PDCD2: variants seen among roughly 807,000 people sequenced by gnomAD.
PDCD2 encodes the protein programmed cell death 2, also known as uS5 assembly chaperone PDCD2.
Under a neutral mutation model 38.1 loss-of-function variants are expected in PDCD2, and 38 were observed. The ratio of observed to expected loss-of-function variants is 1.00; its 90% CI spans 0.77 to 1.31. The LOEUF (loss-of-function observed/expected upper bound fraction) is 1.31, where lower values mean the gene tolerates loss of function less well. Among genes scored for constraint, PDCD2 ranks in the 50% most tolerant of loss-of-function variants. PDCD2 has a pLI of 0.00. For synonymous variants in PDCD2, 205 were observed against 168.9 expected (o/e 1.21, Z -1.66); for missense variants, 473 against 435.7 (o/e 1.09, Z -0.76).
rs1236906987 is a variant in PDCD2 at position 170,583,755 on chromosome 6, A to G, written c.284-8T>C. The stretch of plus-strand genomic sequence containing the variant: ...GTAGTTGATTCCTAAAAACTAAAAA[A>G]GAATACAGAGAAAAGTTTTATCTTC... On this transcript the variant is annotated splice_polypyrimidine_tract_variant and splice_region_variant and intron_variant, in intron 1 of 5. Transcript: ENST00000541970. The G allele has an allele frequency of 6.3e-7, 1 of 1,597,446 alleles. No individual in the cohort carries two copies. Among genetic ancestry groups the G allele is most frequent in the Non-Finnish European group, 8.6e-7 (1 of 1,167,862 alleles).
intron 1 of PDCD2, 129 bp from the exon 2 acceptor site, chr6:170,583,876 G>T: frequency 2.5e-6 from 2 of 793,982 alleles, no homozygotes; most frequent in Non-Finnish European, 3.9e-6. Context: ...TCAGGAATAA[G>T]CTTTTAAAAT....
rs551166873 is a variant in PDCD2 at position 170,584,156 on chromosome 6, G to A, written c.283+143C>T. 326 of 904,304 alleles carry A rather than the reference G, an allele frequency of 3.6e-4. 1 individual carries two copies. In the African/African-American group the frequency reaches 5.2e-3, roughly 14 times the overall value. The allele number at this position is 904,304 out of a possible 1,614,324, so 56.0% of individuals were successfully genotyped here. A position where few individuals can be genotyped will look rare whatever the true frequency, so the allele number is the denominator to read the frequency against. On this transcript the variant is annotated intron_variant, in intron 1 of 5. Coordinates refer to ENST00000541970, the MANE Select transcript of PDCD2 (RefSeq NM_002598.4). The stretch of plus-strand genomic sequence containing the variant: ...CACATCCTGGAAGGGCCCGGGAGAA[G>A]GTGCTCCTGGGGCAGCGCGGAGAGG...
intron 3 of PDCD2, chr6:170,581,152 A>G (rs1049539505): frequency 1.3e-5 from 2 of 152,210 alleles, no homozygotes; most frequent in East Asian, 1.9e-4. Context: ...TGGAAATACT[A>G]TAATGAACCG....
chr6:170,584,408 G>A lies in PDCD2; in HGVS notation c.174C>T (p.Leu58=). The A allele has an allele frequency of 7.0e-7, 1 of 1,424,638 alleles. No individual in the cohort carries two copies. The highest frequency in any genetic ancestry group is 9.1e-7 in the Non-Finnish European group (1 of 1,093,670). The allele number at this position is 1,424,638 out of a possible 1,614,324, so 88.2% of individuals were successfully genotyped here. ...ALACELCGRP[L]SFLLQVYAPL... ...GCGCATACACCTGCAGCAGGAAGGA[G>A]AGCGGGCGGCCGCACAGCTCGCAGG... Residue 58 remains leucine, a synonymous_variant, in exon 1 of 6, where the codon CTC becomes CTT. Transcript: ENST00000541970.
At chr6:170,584,062 C>T (rs192060900) in intron 1 of PDCD2, 2 of 498,012 alleles carry the variant, frequency 4.0e-6, no homozygotes, top group East Asian at 6.8e-5. Context: ...TACCTGGTAC[C>T]CACTGATTAA....
Position 170,584,319 on chromosome 6 carries a change from G to C in PDCD2, c.263C>G (p.Pro88Arg), listed in dbSNP as rs117413937. The C allele has an allele frequency of 6.7e-7, 1 of 1,495,046 alleles. No individual in the cohort carries two copies. Among genetic ancestry groups the C allele is most frequent in the Admixed American group, 2.2e-5 (1 of 45,356 alleles). The allele number at this position is 1,495,046 out of a possible 1,614,324, so 92.6% of individuals were successfully genotyped here. ...CIFLFCCREQ[P>R]CCAGLRVFRN... ...CTCACCTCGCAGGCCGGCACAGCAC[G>C]GCTGCTCGCGGCAGCAGAAGAGGAA... The change falls in exon 1 of 6, where the codon CCG becomes CGG. Residue 88 changes from proline to arginine, a missense_variant. Pro to Arg is a moderately radical substitution (Grantham distance 103). Transcript: ENST00000541970.
chr6:170,577,977 T>C (rs1036659004), intron 5 of PDCD2, among the ~76,000 whole-genome samples: 6 of 152,268 alleles, frequency 3.9e-5, no homozygotes, highest in Admixed American at 1.3e-4. Flanking sequence ...ATTACTAATA[T>C]GCCACTCAAA....
At chr6:170,577,744 A>G (rs1779483553) in intron 5 of PDCD2, 27 bp from the exon 6 acceptor site, 1 of 1,609,932 alleles carries the variant, frequency 6.2e-7, no homozygotes, top group Non-Finnish European at 8.5e-7. Flanking sequence ...ACACAGTTAG[A>G]AAGCTGCTTC....
chr6:170,579,136 T>C, intron 4 of PDCD2, 166 bp from the exon 5 acceptor site: 3 of 570,292 alleles, frequency 5.3e-6, no homozygotes, highest in Middle Eastern at 4.3e-4. Context: ...GTGCCACTAA[T>C]GCCTTCTCAA....
Position 170,584,514 on chromosome 6 carries a change from C to A in PDCD2, c.68G>T (p.Arg23Leu). ...CACCTTGCTGGGGAACTGCTCGCTGCGCAGTCGCCACGCCGGCGCCGACTC... is the reference window on the plus strand; with the variant it reads ...CACCTTGCTGGGGAACTGCTCGCTGAGCAGTCGCCACGCCGGCGCCGACTC... ...FAESAPAWRL[R>L]SEQFPSKVGG... The change falls in exon 1 of 6, where the codon CGC becomes CTC. Residue 23 changes from arginine to leucine, a missense_variant. Arg to Leu is a moderately radical substitution (Grantham distance 102, BLOSUM62 -2). Transcript: ENST00000541970. 2.9e-6 allele frequency: 4 copies of A among 1,366,702 alleles called. No homozygotes were observed. Among genetic ancestry groups the A allele is most frequent in the Non-Finnish European group, 3.8e-6 (4 of 1,061,954 alleles). The allele number at this position is 1,366,702 out of a possible 1,614,324, so 84.7% of individuals were successfully genotyped here. A position where few individuals can be genotyped will look rare whatever the true frequency, so the allele number is the denominator to read the frequency against.
At chr6:170,583,248 T>G (rs1583144019) in intron 2 of PDCD2, 60 bp from the exon 3 acceptor site, 1 of 1,241,680 alleles carries the variant, frequency 8.1e-7, no homozygotes, top group Non-Finnish European at 1.1e-6. Flanking sequence ...GTCTAATAAT[T>G]TGCTGTCTCT....
intron 3 of PDCD2, chr6:170,582,385 T>C: frequency 6.6e-7 from 1 of 1,515,686 alleles, no homozygotes. Context: ...TAAATCTAAT[T>C]TTGTGGTGGT....
chr6:170,575,758 T>C lies in PDCD2; in HGVS notation c.*1801A>G, dbSNP rs1350305521. 6.6e-6 allele frequency: 1 copy of C among 152,214 alleles called. No individual in the cohort carries two copies. Among genetic ancestry groups the C allele is most frequent in the Non-Finnish European group, 1.5e-5 (1 of 68,042 alleles). 9.4% of individuals were successfully genotyped at this position (152,214 alleles called of 1,614,324 possible). A position where few individuals can be genotyped will look rare whatever the true frequency, so the allele number is the denominator to read the frequency against. Reference sequence around the variant, plus strand: ...CCAAATGGAAAGGCCCTGTAAACTGTTACGATCATCTCCAGAGGTTAACTG... The same window carrying C: ...CCAAATGGAAAGGCCCTGTAAACTGCTACGATCATCTCCAGAGGTTAACTG... On this transcript the variant is annotated 3_prime_UTR_variant, in exon 6 of 6. Coordinates refer to ENST00000541970, the MANE Select transcript of PDCD2 (RefSeq NM_002598.4).
chr6:170,579,514 G>C (rs1020656980), intron 4 of PDCD2: 1 of 154,960 alleles, frequency 6.5e-6, no homozygotes, highest in Non-Finnish European at 1.4e-5. Flanking sequence ...TTCTTCCTGT[G>C]TATTTATTTG....
At position 170,577,385 on chromosome 6, in the gene PDCD2, A is replaced by C. The variant is rs1387197120; in HGVS notation, c.*174T>G. Reference sequence around the variant, plus strand: ...TCTGTGGATGTACCAAAATTTATTTAATTCCCTGTCACTGGACACTTTTGT... The same window carrying C: ...TCTGTGGATGTACCAAAATTTATTTCATTCCCTGTCACTGGACACTTTTGT... On this transcript the variant is annotated 3_prime_UTR_variant, in exon 6 of 6. Transcript: ENST00000541970. The C allele has an allele frequency of 1.7e-6, 1 of 585,056 alleles. No individual in the cohort carries two copies. Among genetic ancestry groups the C allele is most frequent in the East Asian group, 2.9e-5 (1 of 34,886 alleles). The allele number at this position is 585,056 out of a possible 1,614,324, so 36.2% of individuals were successfully genotyped here. A position where few individuals can be genotyped will look rare whatever the true frequency, so the allele number is the denominator to read the frequency against.
chr6:170,578,665 C>A (rs1374706593), intron 5 of PDCD2, 192 bp downstream of exon 5: 1 of 704,002 alleles, frequency 1.4e-6, no homozygotes, highest in Non-Finnish European at 2.6e-6. Context: ...AACTAGGAAA[C>A]AGAAAAAAAC....
rs140493653 is a variant in PDCD2 at position 170,577,680 on chromosome 6, C to A, written c.914G>T (p.Arg305Ile). 1 of 1,613,402 alleles carries A rather than the reference C, an allele frequency of 6.2e-7. No individual in the cohort carries two copies. Among genetic ancestry groups the A allele is most frequent in the South Asian group, 1.1e-5 (1 of 91,036 alleles). Residue 305 changes from arginine (R) to isoleucine (I), a missense_variant, in exon 6 of 6, where the codon AGA (arginine) becomes ATA (isoleucine). By Grantham distance (97) the Arg-to-Ile change is moderately conservative. Coordinates refer to ENST00000541970, the MANE Select transcript of PDCD2 (RefSeq NM_002598.4). ...GCCCCAGTCAATGCTCTTGCCCAGT[C>A]TGTCAGCCTTCAGGTAGTTTAGGAG... is the stretch of plus-strand genomic sequence containing the variant. ...PQLLNYLKAD[R>I]LGKSIDWGIL...
rs1779696102 is a variant in PDCD2, at chr6:170,583,669, C to A, written c.362G>T (p.Gly121Val). The A allele has an allele frequency of 6.2e-7, 1 of 1,614,088 alleles. No homozygotes were observed. The highest frequency in any genetic ancestry group is 8.5e-7 in the Non-Finnish European group (1 of 1,179,982). Residue 121 changes from glycine (G) to valine (V), a missense_variant, in exon 2 of 6, where the codon GGA becomes GTA. Gly to Val is a moderately radical substitution (Grantham distance 109). Coordinates refer to ENST00000541970, the MANE Select transcript of PDCD2 (RefSeq NM_002598.4). The stretch of plus-strand genomic sequence containing the variant: ...CTTAAGCTGGAGACACACTGATTCT[C>A]CTGTTTCTGGGGGAGGATTCTCAGA... ...PPSENPPPET[G>V]ESVCLQLKSG...
intron 1 of PDCD2, 50 bp downstream of exon 1, chr6:170,584,249 G>A: frequency 2.2e-6 from 3 of 1,345,098 alleles, no homozygotes; most frequent in Non-Finnish European, 2.9e-6. Context: ...AATTAACGCC[G>A]CGCACGCGTC....
Sources: gnomAD v4.1 joint callset for allele counts (sites outside exome capture counted in the v4.1 genomes callset) on GRCh38, gnomAD v4.1.1 for gene constraint, MANE v1.5 for transcripts, NCBI Gene and HGNC (gene_info 2026-07-23, HGNC 2026-07-21) for gene names.